The following CAMTA1 variants were observed in gnomAD, a reference collection of about 807,000 sequenced individuals.
CAMTA1 encodes calmodulin-binding transcription activator 1.
A neutral mutation model predicts 170.9 loss-of-function variants in CAMTA1; 27 were observed. The observed-to-expected ratio is 0.16, with a 90% CI of 0.12 to 0.22. The LOEUF (loss-of-function observed/expected upper bound fraction) is 0.22. CAMTA1 is among the 10% of genes least tolerant of loss of function. The pLI is 1.00. For missense variants in CAMTA1, 1,619 were observed against 2,217.2 expected (o/e 0.73, Z 5.42); for synonymous variants, 833 against 891.5 (o/e 0.93, Z 1.17).
chr1:7,178,948 C>T (rs1376606010), intron 4 of CAMTA1, among the ~76,000 whole-genome samples: 1 of 152,212 alleles, frequency 6.6e-6, no homozygotes, highest in Admixed American at 6.5e-5. Flanking sequence ...CGTGGAGGAG[C>T]TGTCCAGGAT....
At chr1:7,317,043 C>G (rs967741250) in intron 5 of CAMTA1, among the ~76,000 whole-genome samples, 4 of 152,156 alleles carry the variant, frequency 2.6e-5, no homozygotes, top group African/African-American at 9.7e-5. Flanking sequence ...AAGATGTGGA[C>G]CCTGTTCTTG....
At chr1:7,620,327 T>TA (rs2095589129) in intron 6 of CAMTA1, among the ~76,000 whole-genome samples, 1 of 152,148 alleles carries the variant, frequency 6.6e-6, no homozygotes, top group African/African-American at 2.4e-5. Flanking sequence ...AACAAAGAGT[T>TA]ATACAGCCCC....
intron 4 of CAMTA1, among the ~76,000 whole-genome samples, chr1:7,211,341 C>T (rs1658719257): frequency 6.6e-6 from 1 of 152,248 alleles, no homozygotes; most frequent in East Asian, 1.9e-4. Context: ...AGACCCCTAT[C>T]AAGTTGTAGA....
intron 16 of CAMTA1, among the ~76,000 whole-genome samples, chr1:7,743,950 C>T (rs2096837379): frequency 6.7e-6 from 1 of 150,114 alleles, no homozygotes; most frequent in Admixed American, 6.7e-5. Flanking sequence ...CCTCAGCCTC[C>T]CGAGTAGCTG....
chr1:6,903,918 G>A (rs764076731), intron 3 of CAMTA1, among the ~76,000 whole-genome samples: 13 of 152,208 alleles, frequency 8.5e-5, no homozygotes, highest in Admixed American at 2.6e-4. Flanking sequence ...TCCATGGGCA[G>A]TGTCATCGTT....
intron 4 of CAMTA1, among the ~76,000 whole-genome samples, chr1:7,184,276 T>C (rs760348746): frequency 1.6e-4 from 24 of 152,104 alleles, no homozygotes; most frequent in Non-Finnish European, 2.9e-4. Flanking sequence ...AAAAAAATAG[T>C]TGGAAAGAAT....
intron 4 of CAMTA1, among the ~76,000 whole-genome samples, chr1:7,236,973 G>C (rs1663994742): frequency 6.6e-6 from 1 of 152,266 alleles, no homozygotes; most frequent in African/African-American, 2.4e-5. Context: ...TGCAGGCCCT[G>C]TCTTGTCACG....
chr1:6,901,337 T>G (rs1394134631), intron 3 of CAMTA1, among the ~76,000 whole-genome samples: 1 of 152,216 alleles, frequency 6.6e-6, no homozygotes, highest in Non-Finnish European at 1.5e-5. Context: ...CAGTGATTTA[T>G]TAGATATGGC....
intron 11 of CAMTA1, among the ~76,000 whole-genome samples, chr1:7,731,339 C>T (rs2096731637): frequency 1.3e-5 from 2 of 151,664 alleles, no homozygotes; most frequent in African/African-American, 2.4e-5. Context: ...TTTGGGAGGC[C>T]GAGGTGGGCA....
rs1266076567 is a variant in CAMTA1 at position 7,547,294 on chromosome 1, C to T, written c.510+79393C>T. Among the ~76,000 whole-genome samples, 1 of 151,828 alleles carries T rather than the reference C, an allele frequency of 6.6e-6. No homozygotes were observed. The highest frequency in any genetic ancestry group is 1.9e-4 in the East Asian group (1 of 5,162). On this transcript the variant is annotated intron_variant, in intron 6 of 22. Coordinates refer to ENST00000303635, the MANE Select transcript of CAMTA1 (RefSeq NM_015215.4). The surrounding 1 kb of genome is among the most constrained non-coding windows in gnomAD (Gnocchi z 5.7). ...GCCAAGATCTGGGCCTGAGTATGCTCACTGCTCCCAGGCCTCTCTCAGTAG... is the reference window on the plus strand; with the variant it reads ...GCCAAGATCTGGGCCTGAGTATGCTTACTGCTCCCAGGCCTCTCTCAGTAG...
intron 1 of CAMTA1, among the ~76,000 whole-genome samples, chr1:6,812,151 C>T (rs937144002): frequency 3.9e-5 from 6 of 152,146 alleles, no homozygotes; most frequent in Non-Finnish European, 2.9e-5. Context: ...TTTTTCTGCC[C>T]GCATTTTTGC....
intron 3 of CAMTA1, among the ~76,000 whole-genome samples, chr1:6,953,348 G>T (rs1011920056): frequency 6.6e-6 from 1 of 152,208 alleles, no homozygotes; most frequent in African/African-American, 2.4e-5. Flanking sequence ...GAGGGGCCAG[G>T]GTCCAACCCC....
chr1:6,845,254 G>T, intron 3 of CAMTA1, among the ~76,000 whole-genome samples: 1 of 152,296 alleles, frequency 6.6e-6, no homozygotes, highest in Non-Finnish European at 1.5e-5. Context: ...GCTTCTGTTC[G>T]CTGACAAGGC....
chr1:6,950,738 A>G (rs1688344750), intron 3 of CAMTA1, among the ~76,000 whole-genome samples: 1 of 144,852 alleles, frequency 6.9e-6, no homozygotes, highest in Non-Finnish European at 1.5e-5. Context: ...CCAATCAACC[A>G]CAGTGCTACG....
intron 3 of CAMTA1, among the ~76,000 whole-genome samples, chr1:6,825,473 G>A (rs552280549): frequency 6.6e-6 from 1 of 152,218 alleles, no homozygotes; most frequent in Admixed American, 6.5e-5. Flanking sequence ...GTGTTTTCTT[G>A]CATTTTAGTG....
intron 5 of CAMTA1, among the ~76,000 whole-genome samples, chr1:7,262,817 C>T (rs1434139146): frequency 1.3e-5 from 2 of 152,188 alleles, no homozygotes; most frequent in African/African-American, 4.8e-5. Flanking sequence ...ACTGAATGCA[C>T]GTCTGAGAGC....
At chr1:7,741,318 C>T (rs1454935411) in intron 16 of CAMTA1, among the ~76,000 whole-genome samples, 1 of 152,162 alleles carries the variant, frequency 6.6e-6, no homozygotes, top group African/African-American at 2.4e-5. Flanking sequence ...AATCCCAGCA[C>T]TTTGGGAGGC....
chr1:6,813,080 G>A (rs1190897963), intron 1 of CAMTA1, among the ~76,000 whole-genome samples: 1 of 152,204 alleles, frequency 6.6e-6, no homozygotes, highest in Admixed American at 6.5e-5. Context: ...CCATGGGGGA[G>A]TTGTGAGGGT....
chr1:7,579,552 C>CTTTTTTTTTTTTTTTTTTTTTTTT lies in CAMTA1; in HGVS notation c.511-60846_511-60823dup, dbSNP rs3034816. Among the ~76,000 whole-genome samples, 15 of 79,200 alleles carry CTTTTTTTTTTTTTTTTTTTTTTTT rather than the reference C, an allele frequency of 1.9e-4. 2 individuals are homozygous for CTTTTTTTTTTTTTTTTTTTTTTTT. Among genetic ancestry groups the CTTTTTTTTTTTTTTTTTTTTTTTT allele is most frequent in the South Asian group, 1.0e-3 (2 of 2,008 alleles). 52.0% of individuals were successfully genotyped at this position (79,200 alleles called of 152,430 possible). On this transcript the variant is annotated intron_variant, in intron 6 of 22. Transcript: ENST00000303635. Reference sequence around the variant, plus strand: ...GGTCCACTTTCTTTTCTTTTCTTTTCTTTTTTTTTTTTTTTTTTTTTTTTT... The same window carrying CTTTTTTTTTTTTTTTTTTTTTTTT: ...GGTCCACTTTCTTTTCTTTTCTTTTCTTTTTTTTTTTTTTTTTTTTTTTTTTTTTTTTTTTTTTTTTTTTTTTTT...
Sources: gnomAD v4.1 joint callset for allele counts (sites outside exome capture counted in the v4.1 genomes callset) on GRCh38, gnomAD v4.1.1 for gene constraint, Gnocchi (gnomAD v3.1) non-coding constraint, MANE v1.5 for transcripts, NCBI Gene and HGNC (gene_info 2026-07-23, HGNC 2026-07-21) for gene names.